The following JMJD1C variants were observed in gnomAD, a reference collection of about 807,000 sequenced individuals.
JMJD1C encodes jumonji domain-containing protein 1C.
In JMJD1C, 31 loss-of-function variants were observed where a neutral mutation model predicts 245.3. The observed-to-expected ratio is 0.13, with a 90% CI of 0.09 to 0.17. JMJD1C has a LOEUF of 0.17. JMJD1C is among the 10% of genes least tolerant of loss of function. JMJD1C has a pLI of 1.00. For missense variants in JMJD1C, 2,691 were observed against 3,000.2 expected (o/e 0.90, Z 2.41); for synonymous variants, 1,057 against 1,017.4 (o/e 1.04, Z -0.74).
chr10:63,463,800 A>G (rs541992639), intron 1 of JMJD1C, among the ~76,000 whole-genome samples: 2 of 152,176 alleles, frequency 1.3e-5, no homozygotes, highest in South Asian at 4.1e-4. Context: ...GTAACCAACA[A>G]TCAGGATAGG....
intron 24 of JMJD1C, among the ~76,000 whole-genome samples, chr10:63,169,205 TTC>T (rs1842120983): frequency 6.6e-6 from 1 of 152,132 alleles, no homozygotes. Flanking sequence ...TTCAACAGTT[TTC>T]TCTCTCCTGA....
In JMJD1C at chr10:63,213,797, A is replaced by G. The variant is rs1166585010; in HGVS notation, c.2370T>C (p.Val790=). 27 of 1,613,984 alleles carry G rather than the reference A, an allele frequency of 1.7e-5. No individual in the cohort carries two copies. The highest frequency in any genetic ancestry group is 2.2e-5 in the Non-Finnish European group (26 of 1,179,990). The change falls in exon 8 of 26, where the codon GTT becomes GTC. Residue 790 remains valine, a synonymous_variant. Transcript: ENST00000399262. ...HPLTSGPHHA[V]HHPHLLPTVL... ...CAGTGGGAAGTAAATGAGGGTGATG[A>G]ACAGCATGGTGTGGACCACTAGTCA...
chr10:63,489,873 A>G (rs1241004488), intron 1 of JMJD1C, among the ~76,000 whole-genome samples: 10 of 152,174 alleles, frequency 6.6e-5, no homozygotes, highest in Admixed American at 6.5e-4. Context: ...GTACCAGTCC[A>G]TGGCTTGTTA....
chr10:63,332,001 G>GT (rs1942207246), intron 2 of JMJD1C, among the ~76,000 whole-genome samples: 1 of 152,132 alleles, frequency 6.6e-6, no homozygotes, highest in South Asian at 2.1e-4. Context: ...TGCTCAGAAA[G>GT]TAACTGCCTA....
At chr10:63,402,426 C>T (rs2132598455) in intron 1 of JMJD1C, among the ~76,000 whole-genome samples, 1 of 152,184 alleles carries the variant, frequency 6.6e-6, no homozygotes, top group East Asian at 1.9e-4. Flanking sequence ...TGTAAATGAG[C>T]AGAAGCTTAA....
At chr10:63,275,001 G>A (rs1856647539) in intron 2 of JMJD1C, among the ~76,000 whole-genome samples, 1 of 152,130 alleles carries the variant, frequency 6.6e-6, no homozygotes, top group Admixed American at 6.5e-5. Context: ...TAGGAGACCA[G>A]CCTGGGCAAC....
intron 2 of JMJD1C, among the ~76,000 whole-genome samples, chr10:63,319,674 G>C (rs1343839974): frequency 2.0e-5 from 3 of 151,804 alleles, no homozygotes; most frequent in Non-Finnish European, 4.4e-5. Flanking sequence ...CTATTTCCTT[G>C]TCCTTTTATC....
intron 24 of JMJD1C, among the ~76,000 whole-genome samples, chr10:63,171,834 T>G (rs1842400487): frequency 6.6e-6 from 1 of 152,212 alleles, no homozygotes; most frequent in South Asian, 2.1e-4. Context: ...ACTGGAAGTG[T>G]TGAAGTCATT....
At chr10:63,222,568 G>A in intron 3 of JMJD1C, 2 of 1,589,086 alleles carry the variant, frequency 1.3e-6, no homozygotes, top group Admixed American at 3.4e-5. Context: ...AGTTTGAACT[G>A]TCAGAACAAA....
intron 22 of JMJD1C, among the ~76,000 whole-genome samples, chr10:63,179,491 CTGCTGGGTAGG>C (rs1207911911): frequency 6.6e-6 from 1 of 151,738 alleles, no homozygotes; most frequent in East Asian, 1.9e-4. Flanking sequence ...AATGAAATCA[CTGCTGGGTAGG>C]TGGCTCACAT....
upstream of JMJD1C, among the ~76,000 whole-genome samples, chr10:63,468,675 A>G (rs1953394702): frequency 6.6e-6 from 1 of 152,248 alleles, no homozygotes; most frequent in African/African-American, 2.4e-5. Context: ...TAGTCTTTCC[A>G]TCCCCACGTG....
intron 1 of JMJD1C, among the ~76,000 whole-genome samples, chr10:63,408,525 A>AT (rs1165688912): frequency 1.3e-5 from 2 of 152,092 alleles, no homozygotes; most frequent in African/African-American, 4.8e-5. Flanking sequence ...CCAGAACAAC[A>AT]TCTGACTTTT....
At position 63,189,221 on chromosome 10, in the gene JMJD1C, A is replaced by C; in HGVS notation, c.6517T>G (p.Tyr2173Asp). The change falls in exon 18 of 26, where the codon TAT becomes GAT. Residue 2173 changes from tyrosine (Y) to aspartate (D), a missense_variant. Around this residue, in one of 9 missense-constraint regions of JMJD1C, gnomAD observed 232 missense variants for 416.1 expected, o/e 0.56. Transcript: ENST00000399262. The part of the protein sequence containing the change: ...CEKHILWLKD[Y>D]KNSSNWKLFK... ...AGCTTCCAATTACTGCTATTCTTAT[A>C]ATCCTTAAGCCATAAAATATGCTTC... The C allele has an allele frequency of 6.2e-7, 1 of 1,612,734 alleles. No homozygotes were observed. The highest frequency in any genetic ancestry group is 8.5e-7 in the Non-Finnish European group (1 of 1,179,436).
chr10:63,516,293 A>G (rs1163183269), intron 1 of JMJD1C, among the ~76,000 whole-genome samples: 4 of 151,964 alleles, frequency 2.6e-5, no homozygotes, highest in African/African-American at 9.7e-5. Context: ...AGTAGCTGGA[A>G]ACAGGGAAGA....
intron 3 of JMJD1C, among the ~76,000 whole-genome samples, chr10:63,251,943 T>A (rs1389822684): frequency 6.6e-6 from 1 of 151,968 alleles, no homozygotes; most frequent in Non-Finnish European, 1.5e-5. Flanking sequence ...ACCCAGGAGG[T>A]GGAGGCTGCA....
chr10:63,243,290 G>T lies in JMJD1C; in HGVS notation c.447+21361C>A, dbSNP rs181983147. On this transcript the variant is annotated intron_variant, in intron 3 of 25. Coordinates refer to ENST00000399262, the MANE Select transcript of JMJD1C (RefSeq NM_032776.3). ...GCCTGTAATCCTAGCACTTTGGGAG[G>T]CTGAGGTGGGAGTATCACCTGAGGT... is the stretch of plus-strand genomic sequence containing the variant. 1.8e-4 allele frequency among the ~76,000 whole-genome samples: 27 copies of T among 151,914 alleles called. No individual in the cohort carries two copies. The South Asian group carries it at 3.3e-3, about 19-fold the overall frequency.
chr10:63,209,979 A>C (rs1847132213), intron 8 of JMJD1C, among the ~76,000 whole-genome samples: 1 of 152,208 alleles, frequency 6.6e-6, no homozygotes, highest in Admixed American at 6.5e-5. Context: ...ATAGGATGAT[A>C]GTCAAATAGC....
At chr10:63,305,620 C>T (rs1481431842) in intron 2 of JMJD1C, among the ~76,000 whole-genome samples, 1 of 93,720 alleles carries the variant, frequency 1.1e-5, no homozygotes, top group Non-Finnish European at 2.5e-5. Flanking sequence ...GCAAGCACCA[C>T]CATGCTGGCG....
intron 2 of JMJD1C, among the ~76,000 whole-genome samples, chr10:63,301,302 A>G (rs1406309852): frequency 3.3e-5 from 5 of 152,216 alleles, no homozygotes; most frequent in Admixed American, 1.3e-4. Context: ...GGCATGAACC[A>G]CCACATCCAG....
Sources: gnomAD v4.1 joint callset for allele counts (sites outside exome capture counted in the v4.1 genomes callset) on GRCh38, gnomAD v4.1.1 for gene constraint, gnomAD v4.1.1 regional missense constraint, MANE v1.5 for transcripts, NCBI Gene and HGNC (gene_info 2026-07-23, HGNC 2026-07-21) for gene names.